The following RRP1B variants were observed in gnomAD, a reference collection of about 807,000 sequenced individuals.
The protein encoded by RRP1B is ribosomal RNA processing protein 1 homolog B.
Under a neutral mutation model 80.2 loss-of-function variants are expected in RRP1B, and 56 were observed. That is an observed-to-expected ratio of 0.70 (90% CI 0.56 to 0.87). The LOEUF (loss-of-function observed/expected upper bound fraction) is 0.87. RRP1B is among the 40% of genes least tolerant of loss of function. RRP1B has a pLI of 0.00. For missense variants in RRP1B, 807 were observed against 939.8 expected (o/e 0.86, Z 1.85); for synonymous variants, 351 against 357.6 (o/e 0.98, Z 0.21).
chr21:43,692,525 G>A (rs1035623446), intron 15 of RRP1B, among the ~76,000 whole-genome samples: 7 of 151,974 alleles, frequency 4.6e-5, no homozygotes, highest in African/African-American at 1.7e-4. Context: ...CTTGAACCCA[G>A]GAGATGGAGG....
chr21:43,688,171 G>A lies in RRP1B; in HGVS notation c.1797G>A (p.Met599Ile), dbSNP rs150022721. 15 of 1,576,596 alleles carry A rather than the reference G, an allele frequency of 9.5e-6. No individual in the cohort carries two copies. Among genetic ancestry groups the A allele is most frequent in the African/African-American group, 9.4e-5 (7 of 74,206 alleles). ...KTASLKKRKK[M>I]RVMSNLVEHN... ...CAAGTTTGAAAAAGAGGAAGAAAATGAGAGTGATGTCAAACTTGGTGGAGC... is the reference window on the plus strand; with the variant it reads ...CAAGTTTGAAAAAGAGGAAGAAAATAAGAGTGATGTCAAACTTGGTGGAGC... The change falls in exon 13 of 16, where the codon ATG (methionine) becomes ATA (isoleucine). Residue 599 changes from methionine (M) to isoleucine (I), a missense_variant. Physicochemically the swap from Met to Ile is conservative, Grantham distance 10. Coordinates refer to ENST00000340648, the MANE Select transcript of RRP1B (RefSeq NM_015056.3).
At chr21:43,692,724 G>A (rs935566541) in intron 15 of RRP1B, among the ~76,000 whole-genome samples, 6 of 152,100 alleles carry the variant, frequency 3.9e-5, no homozygotes, top group Non-Finnish European at 7.3e-5. Flanking sequence ...GTGTGTGTGC[G>A]TGTGCATGCA....
chr21:43,684,680 C>T, intron 10 of RRP1B, 30 bp downstream of exon 10: 1 of 1,550,586 alleles, frequency 6.4e-7, no homozygotes, highest in Non-Finnish European at 8.9e-7. Context: ...GTTCTGACAT[C>T]ATCATTCCTT....
intron 1 of RRP1B, among the ~76,000 whole-genome samples, chr21:43,665,125 C>T (rs1314547756): frequency 2.0e-5 from 3 of 152,224 alleles, no homozygotes; most frequent in Non-Finnish European, 4.4e-5. Context: ...TTGCCTGTTA[C>T]AGGTGTGGGC....
intron 14 of RRP1B, 32 bp downstream of exon 14, chr21:43,690,472 T>C (rs1420909870): frequency 1.2e-6 from 2 of 1,608,252 alleles, no homozygotes; most frequent in Non-Finnish European, 1.7e-6. Flanking sequence ...GCACAGCACA[T>C]TTCACCACAA....
rs111921958 is a variant in RRP1B at position 43,690,986 on chromosome 21, T to C, written c.2020-453T>C. Among the ~76,000 whole-genome samples the C allele has an allele frequency of 4.3e-3, 653 of 152,322 alleles. 5 individuals are homozygous for C. The highest frequency in any genetic ancestry group is 0.011 in the African/African-American group (456 of 41,556). Reference sequence around the variant, plus strand: ...TCCATCATAGGCATCGTCTCATCGATGTCATAGAGTCTTCAAGTTAGAAGT... The same window carrying C: ...TCCATCATAGGCATCGTCTCATCGACGTCATAGAGTCTTCAAGTTAGAAGT... On this transcript the variant is annotated intron_variant, in intron 14 of 15. Coordinates refer to ENST00000340648, the MANE Select transcript of RRP1B (RefSeq NM_015056.3).
chr21:43,669,217 G>A (rs1288736748), intron 1 of RRP1B, among the ~76,000 whole-genome samples: 6 of 151,930 alleles, frequency 3.9e-5, no homozygotes. Flanking sequence ...GAGGGTGATT[G>A]ACAAAGCCAA....
rs1391317058 is a variant in RRP1B at position 43,685,765 on chromosome 21, T to G, written c.990-5T>G. ...ATTTTTTATTTTTTATTTTTTTATT[T>G]TTAGATTCCAAGACCTTTCTGAAGG... is the stretch of plus-strand genomic sequence containing the variant. On this transcript the variant is annotated splice_polypyrimidine_tract_variant and splice_region_variant and intron_variant, in intron 10 of 15. Coordinates refer to ENST00000340648, the MANE Select transcript of RRP1B (RefSeq NM_015056.3). The G allele has an allele frequency of 6.5e-7, 1 of 1,533,722 alleles. No individual in the cohort carries two copies. The highest frequency in any genetic ancestry group is 8.8e-7 in the Non-Finnish European group (1 of 1,142,448).
At chr21:43,674,005 C>T (rs745724847) in intron 4 of RRP1B, 50 bp downstream of exon 4, 1 of 1,347,206 alleles carries the variant, frequency 7.4e-7, no homozygotes. Context: ...AAAAGAATGT[C>T]CTTTATCTTA....
At position 43,691,787 on chromosome 21, in the gene RRP1B, C is replaced by G. The variant is rs62226939; in HGVS notation, c.2083+285C>G. Among the ~76,000 whole-genome samples, 13 of 152,210 alleles carry G rather than the reference C, an allele frequency of 8.5e-5. No homozygotes were observed. The highest frequency in any genetic ancestry group is 3.1e-4 in the African/African-American group (13 of 41,536). On this transcript the variant is annotated intron_variant, in intron 15 of 15. Coordinates refer to ENST00000340648, the MANE Select transcript of RRP1B (RefSeq NM_015056.3). The surrounding 1 kb of genome is among the most constrained non-coding windows in gnomAD (Gnocchi z 4.2). ...GCCGGGTAGCGGGTAGCTGGGATCACAGGTGCACGCCATCACATCCAGCTA... is the reference window on the plus strand; with the variant it reads ...GCCGGGTAGCGGGTAGCTGGGATCAGAGGTGCACGCCATCACATCCAGCTA...
At chr21:43,682,774 T>G (rs1009324732) in intron 8 of RRP1B, among the ~76,000 whole-genome samples, 1 of 152,376 alleles carries the variant, frequency 6.6e-6, no homozygotes, top group Non-Finnish European at 1.5e-5. Flanking sequence ...AAACATGTGC[T>G]TTTTCCCAGA....
intron 8 of RRP1B, among the ~76,000 whole-genome samples, chr21:43,680,198 C>G (rs1212114470): frequency 1.3e-5 from 2 of 152,136 alleles, no homozygotes; most frequent in Admixed American, 1.3e-4. Context: ...TGTGATTGCT[C>G]TGGCTAGGAT....
intron 1 of RRP1B, among the ~76,000 whole-genome samples, chr21:43,669,682 T>C (rs979305659): frequency 6.6e-5 from 10 of 152,238 alleles, no homozygotes; most frequent in African/African-American, 1.4e-4. Flanking sequence ...ACTGCCACCC[T>C]ACCCTGTAGC....
chr21:43,672,412 C>G, intron 3 of RRP1B, 47 bp downstream of exon 3: 1 of 1,503,310 alleles, frequency 6.7e-7, no homozygotes, highest in South Asian at 1.1e-5. Flanking sequence ...TTCCGACTTG[C>G]TAGTTTAATG....
intron 1 of RRP1B, among the ~76,000 whole-genome samples, chr21:43,663,962 C>G (rs570473984): frequency 2.0e-5 from 3 of 152,292 alleles, no homozygotes; most frequent in Non-Finnish European, 4.4e-5. Flanking sequence ...ATAGAGAAGA[C>G]AAGACTGATG....
chr21:43,688,416 C>A (rs1243945078), intron 13 of RRP1B, among the ~76,000 whole-genome samples, 176 bp downstream of exon 13: 6 of 152,238 alleles, frequency 3.9e-5, no homozygotes, highest in Admixed American at 3.9e-4. Context: ...TCACAGGTGA[C>A]CAGTACTTCG....
chr21:43,690,051 C>G (rs570303673), intron 13 of RRP1B, among the ~76,000 whole-genome samples: 103 of 152,412 alleles, frequency 6.8e-4, no homozygotes, highest in African/African-American at 2.4e-3. Context: ...GGTCCTTACT[C>G]TGACGAGGCG....
intron 3 of RRP1B, among the ~76,000 whole-genome samples, chr21:43,672,772 A>C (rs3819161): frequency 3.9e-5 from 6 of 152,012 alleles, no homozygotes; most frequent in Non-Finnish European, 8.8e-5. Flanking sequence ...ATAGAGAAAA[A>C]AAATTAGTTA....
rs1233657752 is a variant in RRP1B, at chr21:43,684,586, G to A, written c.925G>A (p.Glu309Lys). 1 of 1,614,024 alleles carries A rather than the reference G, an allele frequency of 6.2e-7. No homozygotes were observed. The highest frequency in any genetic ancestry group is 1.3e-5 in the African/African-American group (1 of 74,916). Residue 309 changes from glutamate (E) to lysine (K), a missense_variant, in exon 10 of 16, where the codon GAA (glutamate) becomes AAA (lysine). Physicochemically the swap from Glu to Lys is moderately conservative, Grantham distance 56. Transcript: ENST00000340648. ...TAAGGCTGTTGCTGATCGACTCCTG[G>A]AAATGACCAGCAGGAAGAACACGCC... is the stretch of plus-strand genomic sequence containing the variant. ...DYKAVADRLL[E>K]MTSRKNTPHF...
Sources: gnomAD v4.1 joint callset for allele counts (sites outside exome capture counted in the v4.1 genomes callset) on GRCh38, gnomAD v4.1.1 for gene constraint, Gnocchi (gnomAD v3.1) non-coding constraint, MANE v1.5 for transcripts, NCBI Gene and HGNC (gene_info 2026-07-23, HGNC 2026-07-21) for gene names.